The following DACH1 variants were observed in gnomAD, a reference collection of about 807,000 sequenced individuals.
DACH1 encodes dachshund homolog 1.
Under a neutral mutation model 54.2 loss-of-function variants are expected in DACH1, and 12 were observed. The observed-to-expected ratio is 0.22, with a 90% CI of 0.14 to 0.36. The LOEUF is 0.36. Among genes scored for constraint, DACH1 ranks in the 10% least tolerant of loss-of-function variants. The pLI, the probability that DACH1 is intolerant of heterozygous loss-of-function variation, is 1.00. For synonymous variants in DACH1, 386 were observed against 366.2 expected (o/e 1.05, Z -0.62); for missense variants, 805 against 929.8 (o/e 0.87, Z 1.75).
At chr13:71,584,951 A>G (rs1363859815) in intron 3 of DACH1, among the ~76,000 whole-genome samples, 1 of 152,130 alleles carries the variant, frequency 6.6e-6, no homozygotes, top group Non-Finnish European at 1.5e-5. Context: ...TATGGTGTAC[A>G]GGCCAAGGAG....
chr13:71,742,805 G>A (rs1041003792), intron 1 of DACH1, among the ~76,000 whole-genome samples: 5 of 151,976 alleles, frequency 3.3e-5, no homozygotes, highest in African/African-American at 1.2e-4. Flanking sequence ...AGAGGGATCA[G>A]TATAGACAAC....
chr13:71,731,125 C>G (rs181453663), intron 1 of DACH1, among the ~76,000 whole-genome samples: 1 of 151,954 alleles, frequency 6.6e-6, no homozygotes, highest in South Asian at 2.1e-4. Flanking sequence ...GGAAAGCTCT[C>G]TCTGTAATAT....
chr13:71,699,097 G>A (rs117761523), intron 1 of DACH1, among the ~76,000 whole-genome samples: 3 of 152,012 alleles, frequency 2.0e-5, no homozygotes, highest in South Asian at 4.1e-4. Context: ...GGATTGTAAC[G>A]GTAGATTTTA....
chr13:71,449,954 G>C (rs1401995637), intron 10 of DACH1, among the ~76,000 whole-genome samples: 3 of 151,288 alleles, frequency 2.0e-5, no homozygotes, highest in African/African-American at 7.3e-5. Flanking sequence ...AGCATTTGGA[G>C]ATATACCTAA....
intron 1 of DACH1, among the ~76,000 whole-genome samples, chr13:71,800,784 C>A (rs897332628): frequency 2.0e-5 from 3 of 151,854 alleles, no homozygotes; most frequent in Non-Finnish European, 2.9e-5. Context: ...TAGGATTCAG[C>A]GGCTAATTTG....
chr13:71,818,080 T>C (rs1888038639), intron 1 of DACH1, among the ~76,000 whole-genome samples: 1 of 152,116 alleles, frequency 6.6e-6, no homozygotes, highest in Admixed American at 6.5e-5. Context: ...CCCAAAGTGC[T>C]GGGATTACAG....
chr13:71,865,853 G>A, intron 1 of DACH1, 69 bp downstream of exon 1: 4 of 1,399,724 alleles, frequency 2.9e-6, no homozygotes, highest in South Asian at 1.7e-5. Context: ...CGCCGGGAAA[G>A]GAGCGAGGGC....
intron 10 of DACH1, among the ~76,000 whole-genome samples, chr13:71,442,073 A>G (rs543992136): frequency 6.6e-6 from 1 of 152,154 alleles, no homozygotes; most frequent in African/African-American, 2.4e-5. Flanking sequence ...TTATTTTAAA[A>G]TGTACCAATT....
chr13:71,483,359 A>G (rs1046656108), intron 7 of DACH1, among the ~76,000 whole-genome samples: 1 of 147,334 alleles, frequency 6.8e-6, no homozygotes, highest in African/African-American at 2.5e-5. Flanking sequence ...ATATATAATT[A>G]TATATTATAA....
At chr13:71,702,706 A>C (rs900297209) in intron 1 of DACH1, among the ~76,000 whole-genome samples, 3 of 152,186 alleles carry the variant, frequency 2.0e-5, no homozygotes, top group Admixed American at 1.3e-4. Context: ...ACAACAGCAT[A>C]AATGATGCTG....
At chr13:71,691,046 C>T (rs963901890) in intron 1 of DACH1, among the ~76,000 whole-genome samples, 3 of 152,210 alleles carry the variant, frequency 2.0e-5, no homozygotes, top group African/African-American at 7.2e-5. Context: ...ACAGCAATTA[C>T]TATTGGCTAT....
Position 71,866,993 on chromosome 13 carries a change from C to G in DACH1, c.-224G>C, listed in dbSNP as rs570504347. 1.4e-4 allele frequency: 47 copies of G among 343,352 alleles called. No individual in the cohort carries two copies. The South Asian group carries it at 7.1e-3, about 52-fold the overall frequency. The allele number at this position is 343,352 out of a possible 1,614,324, so 21.3% of individuals were successfully genotyped here. Reference sequence around the variant, plus strand: ...GCACGAGAGGCGCTCTGGAGAGGAACGCACAAAAGTGTCCCGCAAGTCGAA... The same window carrying G: ...GCACGAGAGGCGCTCTGGAGAGGAAGGCACAAAAGTGTCCCGCAAGTCGAA... On this transcript the variant is annotated 5_prime_UTR_variant, in exon 1 of 11. Coordinates refer to ENST00000613252, the MANE Select transcript of DACH1 (RefSeq NM_080759.6).
intron 6 of DACH1, among the ~76,000 whole-genome samples, chr13:71,544,834 C>A (rs1883357056): frequency 6.6e-6 from 1 of 151,974 alleles, no homozygotes; most frequent in Admixed American, 6.6e-5. Context: ...ACCCTCTCTG[C>A]CTTCCTCTCT....
chr13:71,667,606 C>T (rs1331578828), intron 2 of DACH1, among the ~76,000 whole-genome samples: 1 of 152,118 alleles, frequency 6.6e-6, no homozygotes, highest in Non-Finnish European at 1.5e-5. Flanking sequence ...GTGGAACTCA[C>T]TGTAATTTCA....
chr13:71,861,159 A>T (rs1387256874), intron 1 of DACH1, among the ~76,000 whole-genome samples: 1 of 151,938 alleles, frequency 6.6e-6, no homozygotes, highest in Non-Finnish European at 1.5e-5. Flanking sequence ...GATTTGGACT[A>T]AAAAAATGAA....
chr13:71,772,808 A>G (rs1393399926), intron 1 of DACH1, among the ~76,000 whole-genome samples: 6 of 151,842 alleles, frequency 4.0e-5, no homozygotes, highest in Non-Finnish European at 8.9e-5. Flanking sequence ...TCCAAATACA[A>G]CAAAAACTAG....
intron 6 of DACH1, among the ~76,000 whole-genome samples, chr13:71,507,065 TTAAAC>T (rs1388474787): frequency 6.6e-6 from 1 of 151,420 alleles, no homozygotes; most frequent in Non-Finnish European, 1.5e-5. Context: ...TGGGATCTAA[TTAAAC>T]TAAAGAGCTT....
At chr13:71,676,969 A>G (rs1459342775) in intron 2 of DACH1, among the ~76,000 whole-genome samples, 1 of 152,228 alleles carries the variant, frequency 6.6e-6, no homozygotes, top group Non-Finnish European at 1.5e-5. Context: ...AAGATACTAA[A>G]TAATTTTTAT....
At position 71,438,283 on chromosome 13, in the gene DACH1, A is replaced by C. The variant is rs972884360; in HGVS notation, c.*2372T>G. 1 of 152,372 alleles carries C rather than the reference A, an allele frequency of 6.6e-6. No individual in the cohort carries two copies. Among genetic ancestry groups the C allele is most frequent in the Non-Finnish European group, 1.5e-5 (1 of 67,862 alleles). The allele number at this position is 152,372 out of a possible 1,614,324, so 9.4% of individuals were successfully genotyped here. A position where few individuals can be genotyped will look rare whatever the true frequency, so the allele number is the denominator to read the frequency against. Reference sequence around the variant, plus strand: ...GAGCGCAAATGTGGTTATAATATAGAACAACTAGACATTAATATTTTTAGG... The same window carrying C: ...GAGCGCAAATGTGGTTATAATATAGCACAACTAGACATTAATATTTTTAGG... On this transcript the variant is annotated 3_prime_UTR_variant, in exon 11 of 11. Coordinates refer to ENST00000613252, the MANE Select transcript of DACH1 (RefSeq NM_080759.6).
Sources: allele counts gnomAD v4.1 joint callset (sites outside exome capture counted in the v4.1 genomes callset), GRCh38; gene constraint gnomAD v4.1.1; transcripts MANE v1.5; gene names NCBI Gene and HGNC (gene_info 2026-07-23, HGNC 2026-07-21).